The following SOX6 variants were observed in gnomAD, a reference collection of about 807,000 sequenced individuals.
The protein encoded by SOX6 is transcription factor SOX-6.
SOX6 carries 11 observed loss-of-function variants against 97.8 expected under a neutral mutation model. The observed-to-expected ratio is 0.11, with a 90% CI of 0.07 to 0.19. The LOEUF (loss-of-function observed/expected upper bound fraction) is 0.19. Among genes scored for constraint, SOX6 ranks in the 10% least tolerant of loss-of-function variants. The pLI, the probability that SOX6 is intolerant of heterozygous loss-of-function variation, is 1.00. For synonymous variants in SOX6, 360 were observed against 371.4 expected (o/e 0.97, Z 0.35); for missense variants, 810 against 1,039.5 (o/e 0.78, Z 3.04).
chr11:16,668,303 G>A (rs1321406545), intron 3 of SOX6, among the ~76,000 whole-genome samples: 2 of 152,064 alleles, frequency 1.3e-5, no homozygotes, highest in African/African-American at 4.8e-5. Context: ...AACATGGGAG[G>A]CAGAGGCTGC....
intron 1 of SOX6, among the ~76,000 whole-genome samples, chr11:16,415,407 A>C (rs1025328914): frequency 6.6e-6 from 1 of 152,134 alleles, no homozygotes. Flanking sequence ...GGAGAAAAAC[A>C]GGGAGAAGTT....
intron 3 of SOX6, among the ~76,000 whole-genome samples, chr11:16,290,215 A>G (rs72869952): frequency 0.15 from 22,808 of 151,930 alleles, 1,894 homozygotes; most frequent in Middle Eastern, 0.2. Flanking sequence ...TAAGAGCACT[A>G]AAAAATCTGA....
intron 4 of SOX6, among the ~76,000 whole-genome samples, chr11:16,514,562 A>G (rs1860933963): frequency 1.3e-5 from 2 of 151,622 alleles, no homozygotes; most frequent in Admixed American, 6.6e-5. Context: ...TTTTATTATT[A>G]TACTTTAAGT....
chr11:16,151,679 C>T (rs1419022034), intron 6 of SOX6, among the ~76,000 whole-genome samples: 2 of 152,056 alleles, frequency 1.3e-5, no homozygotes, highest in African/African-American at 4.8e-5. Flanking sequence ...TGCAAAAACA[C>T]AAACAATATG....
At chr11:16,722,386 T>C (rs964568246) in intron 2 of SOX6, among the ~76,000 whole-genome samples, 1 of 152,146 alleles carries the variant, frequency 6.6e-6, no homozygotes, top group Non-Finnish European at 1.5e-5. Flanking sequence ...GGTGCAGTGG[T>C]TCACACCTGT....
chr11:16,152,616 T>G (rs1207256052), intron 6 of SOX6, among the ~76,000 whole-genome samples: 1 of 152,188 alleles, frequency 6.6e-6, no homozygotes, highest in Non-Finnish European at 1.5e-5. Context: ...TTCTGTTATA[T>G]AATAGTGACT....
chr11:16,305,469 AT>A (rs762672482), intron 3 of SOX6, among the ~76,000 whole-genome samples: 6 of 152,220 alleles, frequency 3.9e-5, no homozygotes, highest in Non-Finnish European at 5.9e-5. Context: ...GCAATGTAAA[AT>A]GGTACAGCTA....
rs142063136 is a variant in SOX6 at position 16,090,383 on chromosome 11, A to G, written c.1101+5613T>C. On this transcript the variant is annotated intron_variant, in intron 9 of 15. Transcript: ENST00000683767. ...ATAAAAAGCAAAGTTCCAAAAGAAA[A>G]TCCAGTTTATCCAATGTTTTAGTTT... 2.4e-3 allele frequency among the ~76,000 whole-genome samples: 370 copies of G among 152,208 alleles called. 1 individual carries two copies. The highest frequency in any genetic ancestry group is 8.0e-3 in the African/African-American group (331 of 41,572).
intron 3 of SOX6, among the ~76,000 whole-genome samples, chr11:16,708,077 T>A (rs1164512810): frequency 6.6e-6 from 1 of 152,164 alleles, no homozygotes; most frequent in Non-Finnish European, 1.5e-5. Flanking sequence ...CACAGTAGTT[T>A]ATTAAAACTA....
chr11:16,282,057 G>T lies in SOX6; in HGVS notation c.445+36389C>A, dbSNP rs144167784. Among the ~76,000 whole-genome samples the T allele has an allele frequency of 3.2e-3, 478 of 148,218 alleles. 3 individuals are homozygous for T. The highest frequency in any genetic ancestry group is 5.2e-3 in the Non-Finnish European group (351 of 67,084). On this transcript the variant is annotated intron_variant, in intron 3 of 15. Coordinates refer to ENST00000683767, the MANE Select transcript of SOX6 (RefSeq NM_001367873.1). Reference sequence around the variant, plus strand: ...GACAATACAGATTTAGGAAATTCAGGACATACAATGCACACTAGATGCAAG... The same window carrying T: ...GACAATACAGATTTAGGAAATTCAGTACATACAATGCACACTAGATGCAAG...
chr11:16,723,405 TA>T (rs1459267543), intron 2 of SOX6, among the ~76,000 whole-genome samples: 1 of 151,882 alleles, frequency 6.6e-6, no homozygotes, highest in African/African-American at 2.4e-5. Context: ...GGTGATGAGA[TA>T]ATATGTGCAA....
At chr11:16,301,373 T>C (rs2134274003) in intron 3 of SOX6, among the ~76,000 whole-genome samples, 1 of 152,314 alleles carries the variant, frequency 6.6e-6, no homozygotes, top group African/African-American at 2.4e-5. Flanking sequence ...GCTTGGACTA[T>C]ATATTACAGA....
At chr11:16,485,390 G>A (rs974936258) in intron 4 of SOX6, among the ~76,000 whole-genome samples, 7 of 152,020 alleles carry the variant, frequency 4.6e-5, no homozygotes, top group African/African-American at 7.2e-5. Context: ...GTTCAAAACC[G>A]GCCTGGACAA....
At chr11:16,099,600 C>T (rs1357195796) in intron 7 of SOX6, among the ~76,000 whole-genome samples, 2 of 151,514 alleles carry the variant, frequency 1.3e-5, no homozygotes, top group South Asian at 2.1e-4. Context: ...TTTATTTGTA[C>T]TAAAACATTT....
chr11:16,688,108 G>A (rs79485079), intron 3 of SOX6, among the ~76,000 whole-genome samples: 2,406 of 151,910 alleles, frequency 0.016, 61 homozygotes, highest in African/African-American at 0.054. Flanking sequence ...AAGTAGCTGG[G>A]AACACAGGTG....
intron 4 of SOX6, among the ~76,000 whole-genome samples, chr11:16,202,433 C>G (rs1851966171): frequency 6.6e-6 from 1 of 152,052 alleles, no homozygotes; most frequent in African/African-American, 2.4e-5. Flanking sequence ...ACTTCCAATT[C>G]AACAAAAGCC....
intron 1 of SOX6, among the ~76,000 whole-genome samples, chr11:16,464,504 A>G (rs553727587): frequency 6.6e-6 from 1 of 152,156 alleles, no homozygotes; most frequent in South Asian, 2.1e-4. Flanking sequence ...AAGGAAGGGG[A>G]AGGGAAAAAG....
At chr11:16,416,816 A>C (rs1015511921) in intron 1 of SOX6, among the ~76,000 whole-genome samples, 2 of 152,220 alleles carry the variant, frequency 1.3e-5, no homozygotes, top group African/African-American at 4.8e-5. Context: ...TCTTGACAGA[A>C]TATCACAATA....
intron 2 of SOX6, among the ~76,000 whole-genome samples, chr11:16,715,142 T>A (rs574064768): frequency 2.0e-5 from 3 of 152,288 alleles, no homozygotes; most frequent in African/African-American, 7.2e-5. Flanking sequence ...AATAGCCACA[T>A]GGGGCTCTAA....
Sources: gnomAD v4.1 joint callset for allele counts (sites outside exome capture counted in the v4.1 genomes callset) on GRCh38, gnomAD v4.1.1 for gene constraint, MANE v1.5 for transcripts, NCBI Gene and HGNC (gene_info 2026-07-23, HGNC 2026-07-21) for gene names.